KCNIP1: variants seen among roughly 807,000 people sequenced by gnomAD.
KCNIP1 encodes A-type potassium channel modulatory protein KCNIP1.
KCNIP1 carries 18 observed loss-of-function variants against 33.0 expected under a neutral mutation model. The ratio of observed to expected loss-of-function variants is 0.55; its 90% confidence interval spans 0.38 to 0.81. The LOEUF (loss-of-function observed/expected upper bound fraction) is 0.81, where lower values mean the gene tolerates loss of function less well. Ranked by LOEUF, KCNIP1 falls within the 30% of genes least tolerant of loss-of-function variation. The probability of loss-of-function intolerance (pLI) is 0.00; values close to 1 mark genes in which losing one functional copy is unlikely to be tolerated. For missense variants in KCNIP1, 238 were observed against 271.6 expected, an observed-to-expected ratio of 0.88 and a Z score of 0.87; for synonymous variants, 93 against 98.3, an observed-to-expected ratio of 0.95 and a Z score of 0.32.
intron 1 of KCNIP1, among the ~76,000 whole-genome samples, chr5:170,576,076 C>T (rs1561695725): frequency 6.6e-6 from 1 of 152,204 alleles, no homozygotes; most frequent in Admixed American, 6.5e-5. Context: ...ACAGCTTCTT[C>T]CTGCTCCATG....
chr5:170,354,990 A>G (rs923948449), intron 1 of KCNIP1, among the ~76,000 whole-genome samples: 3 of 152,210 alleles, frequency 2.0e-5, no homozygotes, highest in Admixed American at 6.5e-5. Context: ...CAAAATGACA[A>G]TGAGAGCAGA....
At chr5:170,709,085 A>C (rs967450907) in intron 1 of KCNIP1, among the ~76,000 whole-genome samples, 2 of 152,170 alleles carry the variant, frequency 1.3e-5, no homozygotes, top group Admixed American at 6.5e-5. Context: ...CTTTTGGTAA[A>C]TATTCTATGT....
At chr5:170,710,052 G>T (rs1050948088) in intron 1 of KCNIP1, among the ~76,000 whole-genome samples, 1 of 152,084 alleles carries the variant, frequency 6.6e-6, no homozygotes, top group African/African-American at 2.4e-5. Context: ...ATTTTTAGTA[G>T]AGACGGGATT....
chr5:170,493,629 G>A (rs1283651577), intron 1 of KCNIP1, among the ~76,000 whole-genome samples: 1 of 152,190 alleles, frequency 6.6e-6, no homozygotes, highest in Non-Finnish European at 1.5e-5. Flanking sequence ...TGAGAGTGAA[G>A]TAGACCGTGA....
intron 1 of KCNIP1, among the ~76,000 whole-genome samples, chr5:170,516,160 G>A (rs1217800552): frequency 6.6e-6 from 1 of 152,170 alleles, no homozygotes; most frequent in African/African-American, 2.4e-5. Flanking sequence ...CAGCAAGGAT[G>A]AGGAAAGCAC....
intron 1 of KCNIP1, among the ~76,000 whole-genome samples, chr5:170,410,040 T>C (rs1755140260): frequency 6.6e-6 from 1 of 152,254 alleles, no homozygotes; most frequent in Non-Finnish European, 1.5e-5. Context: ...TCCAGTTTTA[T>C]ATGATTTTGT....
chr5:170,437,941 A>G (rs1305021816), intron 1 of KCNIP1, among the ~76,000 whole-genome samples: 1 of 152,158 alleles, frequency 6.6e-6, no homozygotes, highest in Non-Finnish European at 1.5e-5. Context: ...TCTGAGGCCA[A>G]TCCCCCGATT....
chr5:170,478,276 A>C (rs913377882), intron 1 of KCNIP1, among the ~76,000 whole-genome samples: 1 of 152,234 alleles, frequency 6.6e-6, no homozygotes, highest in Admixed American at 6.5e-5. Context: ...TTATTACATG[A>C]TTATCATAAA....
intron 1 of KCNIP1, among the ~76,000 whole-genome samples, chr5:170,668,490 C>T (rs916429524): frequency 6.6e-6 from 1 of 152,204 alleles, no homozygotes; most frequent in East Asian, 1.9e-4. Context: ...GTTCCAGCAC[C>T]ATGTCAGCCC....
chr5:170,460,204 T>C lies in KCNIP1; in HGVS notation c.88+106240T>C, dbSNP rs796169196. On this transcript the variant is annotated intron_variant, in intron 1 of 7. Transcript: ENST00000377360. ...GAGATTGAAATGGTAATTAAAAAAT[T>C]ACCAATAAAAAAGTCCAGGACCAGG... 1.8e-4 allele frequency among the ~76,000 whole-genome samples: 27 copies of C among 151,970 alleles called. 1 individual carries two copies. Among genetic ancestry groups the C allele is most frequent in the African/African-American group, 6.0e-4 (25 of 41,482 alleles).
rs114849064 is a variant in KCNIP1 at position 170,556,972 on chromosome 5, A to T, written c.61+52339A>T. Among the ~76,000 whole-genome samples the T allele has an allele frequency of 2.3e-4, 35 of 152,276 alleles. 1 individual carries two copies. The highest frequency in any genetic ancestry group is 2.1e-4 in the Non-Finnish European group (14 of 68,024). On this transcript the variant is annotated intron_variant, in intron 1 of 7. Transcript: ENST00000328939. ...CTGCCTTAGGAGTCAGACAGGCCTGAGTTTATATCCCACCATTTCCATATG... is the reference window on the plus strand; with the variant it reads ...CTGCCTTAGGAGTCAGACAGGCCTGTGTTTATATCCCACCATTTCCATATG...
chr5:170,695,587 G>T (rs1458510139), intron 1 of KCNIP1, among the ~76,000 whole-genome samples: 1 of 152,222 alleles, frequency 6.6e-6, no homozygotes, highest in African/African-American at 2.4e-5. Flanking sequence ...TTCATTGTGT[G>T]ACTATTTTAA....
intron 1 of KCNIP1, among the ~76,000 whole-genome samples, chr5:170,570,451 C>T (rs62394303): frequency 0.39 from 58,974 of 152,036 alleles, 12,656 homozygotes; most frequent in Admixed American, 0.48. Context: ...TCTCCCCCAC[C>T]CCCTTTTTTG....
At position 170,735,839 on chromosome 5, in the gene KCNIP1, C is replaced by T. The variant is rs751993548; in HGVS notation, c.*33C>T. The T allele has an allele frequency of 3.1e-6, 5 of 1,596,186 alleles. No homozygotes were observed. The highest frequency in any genetic ancestry group is 4.5e-5 in the East Asian group (2 of 44,794). On this transcript the variant is annotated 3_prime_UTR_variant, in exon 8 of 8. Coordinates refer to ENST00000328939, the MANE Select transcript of KCNIP1 (RefSeq NM_014592.4). ...CACTCAGCCATTCAGCTCTCAGAGA[C>T]ATTGTACTAAACAACCACCTTAACA... is the stretch of plus-strand genomic sequence containing the variant.
chr5:170,565,181 G>C (rs1757163898), intron 1 of KCNIP1, among the ~76,000 whole-genome samples: 1 of 151,964 alleles, frequency 6.6e-6, no homozygotes, highest in South Asian at 2.1e-4. Context: ...CCCACAGAGA[G>C]AACACAGCCT....
At position 170,531,211 on chromosome 5, in the gene KCNIP1, AATT is replaced by A. The variant is rs540444071; in HGVS notation, c.61+26584_61+26586del. On this transcript the variant is annotated intron_variant, in intron 1 of 7. Coordinates refer to ENST00000328939, the MANE Select transcript of KCNIP1 (RefSeq NM_014592.4). ...GGTATACTAGGGGATCAACGAGGGGAATTATTATGATGATGGGCCTTTGGAAAC... is the reference window on the plus strand; with the variant it reads ...GGTATACTAGGGGATCAACGAGGGGAATTATGATGATGGGCCTTTGGAAAC... 1.1e-3 allele frequency among the ~76,000 whole-genome samples: 162 copies of A among 152,216 alleles called. 1 individual carries two copies. The highest frequency in any genetic ancestry group is 3.7e-3 in the African/African-American group (152 of 41,530).
At chr5:170,624,771 G>C (rs1431759507) in intron 1 of KCNIP1, among the ~76,000 whole-genome samples, 2 of 146,582 alleles carry the variant, frequency 1.4e-5, no homozygotes, top group South Asian at 2.3e-4. Context: ...GGAGGGGAGT[G>C]GGGGAGAAGG....
chr5:170,421,195 C>T (rs145873086), intron 1 of KCNIP1, among the ~76,000 whole-genome samples: 15 of 152,254 alleles, frequency 9.9e-5, no homozygotes, highest in South Asian at 2.1e-4. Context: ...CTTATGATGT[C>T]GGCAAACCTT....
intron 1 of KCNIP1, among the ~76,000 whole-genome samples, chr5:170,597,800 T>TG (rs1276557011): frequency 4.7e-4 from 1 of 2,134 alleles, no homozygotes; most frequent in Non-Finnish European, 3.2e-3. Flanking sequence ...TATATATATA[T>TG]ATATATATAT....
Sources: gnomAD v4.1 joint callset for allele counts (sites outside exome capture counted in the v4.1 genomes callset) on GRCh38, gnomAD v4.1.1 for gene constraint, MANE v1.5 for transcripts, NCBI Gene and HGNC (gene_info 2026-07-23, HGNC 2026-07-21) for gene names.